DNM3: variants seen among roughly 807,000 people sequenced by gnomAD.
DNM3 encodes dynamin 3.
DNM3 carries 47 observed loss-of-function variants against 101.6 expected under a neutral mutation model. The observed-to-expected ratio is 0.46, with a 90% CI of 0.37 to 0.59. The LOEUF (loss-of-function observed/expected upper bound fraction) is 0.59, where lower values mean the gene tolerates loss of function less well. Among genes scored for constraint, DNM3 ranks in the 20% least tolerant of loss-of-function variants. The pLI is 0.00. For synonymous variants in DNM3, 385 were observed against 387.9 expected (o/e 0.99, Z 0.09); for missense variants, 849 against 1,085.7 (o/e 0.78, Z 3.06).
At chr1:172,350,081 A>G (rs1320358662) in intron 17 of DNM3, among the ~76,000 whole-genome samples, 1 of 152,160 alleles carries the variant, frequency 6.6e-6, no homozygotes, top group Non-Finnish European at 1.5e-5. Flanking sequence ...GAAAATAAAA[A>G]TGCCTGTTCT....
rs2066153083 is a variant in DNM3, at chr1:172,330,879, G to A, written c.1893+7539G>A. ...TACATGTGGAAATTAACTTTAAAGT[G>A]GAAACTAAGCATCTGAGACCCTACA... On this transcript the variant is annotated intron_variant, in intron 17 of 20. Transcript: ENST00000627582. 3.9e-5 allele frequency among the ~76,000 whole-genome samples: 6 copies of A among 152,072 alleles called. No homozygotes were observed. The South Asian group carries it at 1.2e-3, about 32-fold the overall frequency.
At chr1:172,046,313 C>T (rs546910029) in intron 9 of DNM3, among the ~76,000 whole-genome samples, 9 of 152,144 alleles carry the variant, frequency 5.9e-5, no homozygotes, top group African/African-American at 2.2e-4. Context: ...GGACAAAAAA[C>T]CAAACACCAC....
At chr1:172,291,243 AGT>A (rs960609528) in intron 15 of DNM3, among the ~76,000 whole-genome samples, 1 of 152,028 alleles carries the variant, frequency 6.6e-6, no homozygotes, top group African/African-American at 2.4e-5. Context: ...GTCTAGAGAA[AGT>A]GTGTGTGTGT....
intron 20 of DNM3, among the ~76,000 whole-genome samples, chr1:172,402,671 T>C (rs1201246166): frequency 6.6e-6 from 1 of 152,166 alleles, no homozygotes; most frequent in Non-Finnish European, 1.5e-5. Context: ...AATACAAGCT[T>C]CCCTAAGCAA....
intron 4 of DNM3, among the ~76,000 whole-genome samples, chr1:172,003,852 G>A (rs527645348): frequency 6.6e-6 from 1 of 152,050 alleles, no homozygotes; most frequent in South Asian, 2.1e-4. Flanking sequence ...GACATTTGGG[G>A]AGAAATGTAT....
chr1:172,342,492 C>A (rs1029683776), intron 17 of DNM3, among the ~76,000 whole-genome samples: 1 of 152,128 alleles, frequency 6.6e-6, no homozygotes, highest in African/African-American at 2.4e-5. Flanking sequence ...TTATCGTTAG[C>A]AAATGAACAC....
intron 11 of DNM3, among the ~76,000 whole-genome samples, chr1:172,073,447 A>G (rs1313220606): frequency 6.6e-6 from 1 of 152,130 alleles, no homozygotes; most frequent in Non-Finnish European, 1.5e-5. Context: ...TTTTACGTAT[A>G]CATAATTTTA....
At chr1:172,193,663 ATTATC>A in intron 14 of DNM3, among the ~76,000 whole-genome samples, 1 of 152,088 alleles carries the variant, frequency 6.6e-6, no homozygotes, top group East Asian at 1.9e-4. Context: ...TGTTTATGGT[ATTATC>A]TGATGGTAGT....
At chr1:171,878,002 G>C (rs2035931492) in intron 1 of DNM3, among the ~76,000 whole-genome samples, 1 of 152,130 alleles carries the variant, frequency 6.6e-6, no homozygotes, top group Admixed American at 6.5e-5. Context: ...TAGTACTTAG[G>C]ACAATGATTC....
intron 15 of DNM3, among the ~76,000 whole-genome samples, chr1:172,297,116 C>T (rs1371098633): frequency 7.0e-5 from 10 of 141,940 alleles, no homozygotes; most frequent in South Asian, 6.6e-4. Context: ...GCACTCCAGC[C>T]GGGGCAACAG....
intron 14 of DNM3, among the ~76,000 whole-genome samples, chr1:172,142,737 A>G (rs1439857399): frequency 7.8e-6 from 1 of 127,740 alleles, no homozygotes; most frequent in Non-Finnish European, 1.6e-5. Flanking sequence ...TTTCTAGAGT[A>G]AAAAAAAAAA....
intron 14 of DNM3, among the ~76,000 whole-genome samples, chr1:172,152,810 T>G (rs1257416103): frequency 6.6e-6 from 1 of 152,122 alleles, no homozygotes. Context: ...CAGAAACTGT[T>G]TAGAAGGGCC....
chr1:172,287,545 A>G (rs1307138287), intron 15 of DNM3, among the ~76,000 whole-genome samples: 1 of 152,086 alleles, frequency 6.6e-6, no homozygotes, highest in Non-Finnish European at 1.5e-5. Context: ...ACAAATTTTT[A>G]ATTCTTATTT....
chr1:172,389,828 G>T (rs140884474), intron 20 of DNM3, among the ~76,000 whole-genome samples: 1 of 152,272 alleles, frequency 6.6e-6, no homozygotes, highest in African/African-American at 2.4e-5. Context: ...GTTGTTAAGC[G>T]TAATGAAGAG....
chr1:171,886,943 ATT>A (rs1375891292), intron 1 of DNM3, among the ~76,000 whole-genome samples: 1 of 152,180 alleles, frequency 6.6e-6, no homozygotes, highest in Non-Finnish European at 1.5e-5. Flanking sequence ...GAAGAAAGTT[ATT>A]TCCCTTTGGT....
chr1:172,319,120 A>C (rs1283564777), intron 16 of DNM3, among the ~76,000 whole-genome samples: 2 of 152,220 alleles, frequency 1.3e-5, no homozygotes, highest in Admixed American at 6.5e-5. Context: ...CAAACCTGAG[A>C]AAAACAAGCA....
intron 1 of DNM3, among the ~76,000 whole-genome samples, chr1:171,899,113 G>A (rs532138156): frequency 6.6e-6 from 1 of 152,312 alleles, no homozygotes; most frequent in East Asian, 1.9e-4. Flanking sequence ...CCAGCTGCAA[G>A]AGCAGTGGCC....
At position 171,876,083 on chromosome 1, in the gene DNM3, A is replaced by G. The variant is rs543313473; in HGVS notation, c.161+34266A>G. ...CTCGGCCTCGCAAAGTCCTGGGATT[A>G]CAGGCGTGAGCCACTGCGCCTGGCC... is the stretch of plus-strand genomic sequence containing the variant. On this transcript the variant is annotated intron_variant, in intron 1 of 20. Coordinates refer to ENST00000627582, the MANE Select transcript of DNM3 (RefSeq NM_015569.5). 2.0e-5 allele frequency among the ~76,000 whole-genome samples: 3 copies of G among 152,220 alleles called. No individual in the cohort carries two copies. The South Asian group carries it at 6.2e-4, about 32-fold the overall frequency.
chr1:172,120,846 T>C lies in DNM3; in HGVS notation c.1546-10329T>C, dbSNP rs538538993. On this transcript the variant is annotated intron_variant, in intron 13 of 20. Transcript: ENST00000627582. Reference sequence around the variant, plus strand: ...TATAAGCTCCATGGAGGTTGGGGACTGTGCCTTTGTGTGTGTGTGTTACTG... The same window carrying C: ...TATAAGCTCCATGGAGGTTGGGGACCGTGCCTTTGTGTGTGTGTGTTACTG... Among the ~76,000 whole-genome samples, 4 of 152,342 alleles carry C rather than the reference T, an allele frequency of 2.6e-5. No homozygotes were observed. The South Asian group carries it at 6.2e-4, about 24-fold the overall frequency.
Sources: allele counts gnomAD v4.1 joint callset (sites outside exome capture counted in the v4.1 genomes callset), GRCh38; gene constraint gnomAD v4.1.1; transcripts MANE v1.5; gene names NCBI Gene and HGNC (gene_info 2026-07-23, HGNC 2026-07-21).